Variants in CLDN5 observed in about 807,000 individuals in gnomAD.
The protein encoded by CLDN5 is claudin 5, also known as claudin-5.
CLDN5 carries 4 observed loss-of-function variants against 1.3 expected under a neutral mutation model. The ratio of observed to expected loss-of-function variants is 3.07; its 90% CI spans 1.51 to 7.03. CLDN5 has a LOEUF of 7.03. CLDN5 is among the 30% of genes most tolerant of loss of function. CLDN5 has a pLI of 0.00. For synonymous variants in CLDN5, 156 were observed against 152.3 expected, an observed-to-expected ratio of 1.02 and a Z score of -0.18; for missense variants, 225 against 303.5, an observed-to-expected ratio of 0.74 and a Z score of 1.92.
Position 19,523,537 on chromosome 22 carries a change from C to A in CLDN5, c.*62G>T. 6.7e-7 allele frequency: 1 copy of A among 1,503,164 alleles called. No homozygotes were observed. The allele number at this position is 1,503,164 out of a possible 1,614,324, so 93.1% of individuals were successfully genotyped here. ...AAGCCGCGGTCCATGCGGGGCTCCC[C>A]AGGCTTATCCAACGCCTCGCAGGCG... On this transcript the variant is annotated 3_prime_UTR_variant, in exon 1 of 1. Transcript: ENST00000618236.
At chr22:19,524,901 C>T, upstream of CLDN5, 1 of 1,061,424 alleles carries the variant, frequency 9.4e-7, no homozygotes, top group South Asian at 4.5e-5. Context: ...GCCCCGGGGT[C>T]CAAGCCCCAC....
At position 19,523,498 on chromosome 22, in the gene CLDN5, G is replaced by C. The variant is rs1934151369; in HGVS notation, c.*101C>G. ...GGACGTTCCGAGGAGCCTGCGCGCC[G>C]CGCTACCCGGCGGAAGCCGCGGTCC... On this transcript the variant is annotated 3_prime_UTR_variant, in exon 1 of 1. Coordinates refer to ENST00000618236, the MANE Select transcript of CLDN5 (RefSeq NM_001363066.2). The C allele has an allele frequency of 4.9e-6, 7 of 1,439,448 alleles. No homozygotes were observed. Among genetic ancestry groups the C allele is most frequent in the Non-Finnish European group, 6.4e-6 (7 of 1,098,462 alleles). The allele number at this position is 1,439,448 out of a possible 1,614,324, so 89.2% of individuals were successfully genotyped here.
Position 19,523,651 on chromosome 22 carries a change from G to T in CLDN5, c.605C>A (p.Ala202Glu). Reference sequence around the variant, plus strand: ...GCCGGTGGCCGTGGGCCGCCGCGGCGCTGAGTACTTCACGGGGAAGCTGAG... The same window carrying T: ...GCCGGTGGCCGTGGGCCGCCGCGGCTCTGAGTACTTCACGGGGAAGCTGAG... ...PDLSFPVKYS[A>E]PRRPTATGDY... The change falls in exon 1 of 1, where the codon GCG (alanine) becomes GAG (glutamate). Residue 202 changes from alanine (A) to glutamate (E), a missense_variant. Coordinates refer to ENST00000618236, the MANE Select transcript of CLDN5 (RefSeq NM_001363066.2). 1 of 1,605,596 alleles carries T rather than the reference G, an allele frequency of 6.2e-7. No homozygotes were observed. Among genetic ancestry groups the T allele is most frequent in the Non-Finnish European group, 8.5e-7 (1 of 1,178,810 alleles).
rs1360021028 is a variant in CLDN5, at chr22:19,523,748, C to A, written c.508G>T (p.Ala170Ser). The change falls in exon 1 of 1, where the codon GCC becomes TCC. Residue 170 changes from alanine (A) to serine (S), a missense_variant. Physicochemically the swap from Ala to Ser is moderately conservative, Grantham distance 99 (BLOSUM62 1). This residue lies in a region of CLDN5 where 165 missense variants were observed against 211.9 expected (regional missense o/e 0.78). Coordinates refer to ENST00000618236, the MANE Select transcript of CLDN5 (RefSeq NM_001363066.2). ...LGAALYIGWA[A>S]TALLMVGGCL... The stretch of plus-strand genomic sequence containing the variant: ...CCGCCTACCATGAGCAGCGCGGTGG[C>A]CGCCCAGCCGATGTACAGCGCTGCG... 6.2e-7 allele frequency: 1 copy of A among 1,604,184 alleles called. No homozygotes were observed. The highest frequency in any genetic ancestry group is 1.3e-5 in the African/African-American group (1 of 74,768).
chr22:19,525,095 CA>C, upstream of CLDN5: 1 of 1,000,866 alleles, frequency 1.0e-6, no homozygotes, highest in Non-Finnish European at 1.2e-6. Context: ...AGCGGTGGCA[CA>C]GGGGCTTTCC....
Position 19,523,511 on chromosome 22 carries a change from G to A in CLDN5, c.*88C>T, listed in dbSNP as rs1568943180. On this transcript the variant is annotated 3_prime_UTR_variant, in exon 1 of 1. Coordinates refer to ENST00000618236, the MANE Select transcript of CLDN5 (RefSeq NM_001363066.2). Reference sequence around the variant, plus strand: ...AGCCTGCGCGCCGCGCTACCCGGCGGAAGCCGCGGTCCATGCGGGGCTCCC... The same window carrying A: ...AGCCTGCGCGCCGCGCTACCCGGCGAAAGCCGCGGTCCATGCGGGGCTCCC... 2.1e-6 allele frequency: 3 copies of A among 1,459,566 alleles called. No homozygotes were observed. Among genetic ancestry groups the A allele is most frequent in the Non-Finnish European group, 1.8e-6 (2 of 1,112,900 alleles). 90.4% of individuals were successfully genotyped at this position (1,459,566 alleles called of 1,614,324 possible). A position where few individuals can be genotyped will look rare whatever the true frequency, so the allele number is the denominator to read the frequency against.
chr22:19,524,264 G>A lies in CLDN5; in HGVS notation c.-9C>T. 6.4e-7 allele frequency: 1 copy of A among 1,561,892 alleles called. No individual in the cohort carries two copies. Among genetic ancestry groups the A allele is most frequent in the East Asian group, 2.4e-5 (1 of 41,592 alleles). On this transcript the variant is annotated 5_prime_UTR_variant, in exon 1 of 1. Coordinates refer to ENST00000618236, the MANE Select transcript of CLDN5 (RefSeq NM_001363066.2). ...AACGCTGCGGACCCCATGGCTAGAG[G>A]CGAGACGCGCACCCGAAGGCCCGCA...
rs774602204 is a variant in CLDN5 at position 19,523,598 on chromosome 22, C to G, written c.*1G>C. On this transcript the variant is annotated 3_prime_UTR_variant, in exon 1 of 1. Coordinates refer to ENST00000618236, the MANE Select transcript of CLDN5 (RefSeq NM_001363066.2). ...GAGGGGCCCGGCCGTGCCCAGCGCC[C>G]TCAGACGTAGTTCTTCTTGTCGTAG... 6 of 1,580,308 alleles carry G rather than the reference C, an allele frequency of 3.8e-6. No homozygotes were observed. The highest frequency in any genetic ancestry group is 1.3e-5 in the African/African-American group (1 of 74,222).
Position 19,524,335 on chromosome 22 carries a change from G to A in CLDN5, c.-80C>T. 6.7e-7 allele frequency: 1 copy of A among 1,490,042 alleles called. No individual in the cohort carries two copies. Among genetic ancestry groups the A allele is most frequent in the East Asian group, 2.5e-5 (1 of 39,816 alleles). The allele number at this position is 1,490,042 out of a possible 1,614,324, so 92.3% of individuals were successfully genotyped here. On this transcript the variant is annotated 5_prime_UTR_variant, in exon 1 of 1. Transcript: ENST00000618236. ...CGCGGCGCCCTGGGCGGGCCCTGGTGCCTTTGCGCCCGCGCTCCCGGCTCT... is the reference window on the plus strand; with the variant it reads ...CGCGGCGCCCTGGGCGGGCCCTGGTACCTTTGCGCCCGCGCTCCCGGCTCT...
rs201059401 is a variant in CLDN5, at chr22:19,523,997, C to T, written c.259G>A (p.Ala87Thr). 3.0e-4 allele frequency: 479 copies of T among 1,589,570 alleles called. 3 individuals carry two copies. In the African/African-American group the frequency reaches 6.0e-3, roughly 20 times the overall value. The change falls in exon 1 of 1, where the codon GCC (alanine) becomes ACC (threonine). Residue 87 changes from alanine (A) to threonine (T), a missense_variant. Physicochemically the swap from Ala to Thr is moderately conservative, Grantham distance 58 (BLOSUM62 0). Around this residue, in one of 3 missense-constraint regions of CLDN5, gnomAD observed 165 missense variants for 211.9 expected, o/e 0.78. Coordinates refer to ENST00000618236, the MANE Select transcript of CLDN5 (RefSeq NM_001363066.2). ...AGCGCAACGAACGCCAGCAGCACGG[C>T]GCTCACGGTGAGCGCCCGCGCCGCC... is the stretch of plus-strand genomic sequence containing the variant. Reference protein sequence around the residue: ...VQAARALTVSAVLLAFVALFV... With the variant: ...VQAARALTVSTVLLAFVALFV...
upstream of CLDN5, chr22:19,524,440 G>C: frequency 1.4e-6 from 2 of 1,442,146 alleles, no homozygotes; most frequent in Non-Finnish European, 1.8e-6. Context: ...CCTCTTTGAA[G>C]GTTCGGGGGC....
chr22:19,523,411 G>A lies in CLDN5; in HGVS notation c.*188C>T, dbSNP rs1934148405. The A allele has an allele frequency of 5.4e-6, 4 of 735,210 alleles. No homozygotes were observed. Among genetic ancestry groups the A allele is most frequent in the Admixed American group, 3.3e-5 (1 of 30,056 alleles). The allele number at this position is 735,210 out of a possible 1,614,324, so 45.5% of individuals were successfully genotyped here. On this transcript the variant is annotated 3_prime_UTR_variant, in exon 1 of 1. Coordinates refer to ENST00000618236, the MANE Select transcript of CLDN5 (RefSeq NM_001363066.2). ...AAGGGCAGGGCCGGGCTAGTGGCAG[G>A]AGAAGGTCAGCTGCGGGCGCAGGCA...
At position 19,523,347 on chromosome 22, in the gene CLDN5, A is replaced by T. The variant is rs190795861; in HGVS notation, c.*252T>A. ...TGACACCCGCTCTGCCTATGGAAAC[A>T]GCGCCGCGCACAGAAAAGGAAACTT... On this transcript the variant is annotated 3_prime_UTR_variant, in exon 1 of 1. Coordinates refer to ENST00000618236, the MANE Select transcript of CLDN5 (RefSeq NM_001363066.2). 8.9e-4 allele frequency: 460 copies of T among 517,000 alleles called. 7 individuals carry two copies. Among genetic ancestry groups the T allele is most frequent in the Admixed American group, 7.8e-3 (199 of 25,366 alleles). 32.0% of individuals were successfully genotyped at this position (517,000 alleles called of 1,614,324 possible). A position where few individuals can be genotyped will look rare whatever the true frequency, so the allele number is the denominator to read the frequency against.
In CLDN5 at chr22:19,523,121, T is replaced by C. The variant is rs1175204541; in HGVS notation, c.*478A>G. 1.3e-5 allele frequency: 2 copies of C among 159,434 alleles called. 1 individual carries two copies. The highest frequency in any genetic ancestry group is 2.7e-5 in the Non-Finnish European group (2 of 73,580). The allele number at this position is 159,434 out of a possible 1,614,324, so 9.9% of individuals were successfully genotyped here. On this transcript the variant is annotated 3_prime_UTR_variant, in exon 1 of 1. Transcript: ENST00000618236. ...CCACAAGCCTTGCCTGGGGAGATGC[T>C]GGAGTGAGACCGGGAGGTCCAGGCC...
In CLDN5 at chr22:19,524,011, G is replaced by A; in HGVS notation, c.245C>T (p.Ala82Val). The A allele has an allele frequency of 2.5e-6, 4 of 1,592,060 alleles. No homozygotes were observed. The highest frequency in any genetic ancestry group is 3.4e-6 in the Non-Finnish European group (4 of 1,175,416). Residue 82 changes from alanine to valine, a missense_variant, in exon 1 of 1, where the codon GCG becomes GTG. Ala to Val is a moderately conservative substitution (Grantham distance 64, BLOSUM62 0). Around this residue, in one of 3 missense-constraint regions of CLDN5, gnomAD observed 165 missense variants for 211.9 expected, o/e 0.78. Coordinates refer to ENST00000618236, the MANE Select transcript of CLDN5 (RefSeq NM_001363066.2). Reference sequence around the variant, plus strand: ...CAGCAGCACGGCGCTCACGGTGAGCGCCCGCGCCGCCTGCACCTCGGTGCT... The same window carrying A: ...CAGCAGCACGGCGCTCACGGTGAGCACCCGCGCCGCCTGCACCTCGGTGCT... ...ALSTEVQAAR[A>V]LTVSAVLLAF... is the part of the protein sequence containing the mutation.
chr22:19,523,704 G>A lies in CLDN5; in HGVS notation c.552C>T (p.Gly184=), dbSNP rs779540206. ...CGGGACGGCCGGTGCAGACCCAGGC[G>A]CCGCAGCACAAGAGGCAGCCGCCTA... ...LMVGGCLLCC[G]AWVCTGRPDL... is the part of the protein sequence containing the mutation. The change falls in exon 1 of 1, where the codon GGC becomes GGT. Residue 184 remains glycine, a synonymous_variant. Transcript: ENST00000618236. The A allele has an allele frequency of 1.2e-6, 2 of 1,607,368 alleles. No homozygotes were observed. The highest frequency in any genetic ancestry group is 2.2e-5 in the South Asian group (2 of 90,818).
chr22:19,524,856 T>C, upstream of CLDN5: 1 of 1,130,202 alleles, frequency 8.8e-7, no homozygotes, highest in Non-Finnish European at 1.1e-6. Context: ...GTCACCGCCG[T>C]AGAGGCCCTC....
chr22:19,523,232 T>G lies in CLDN5; in HGVS notation c.*367A>C. 1 of 235,110 alleles carries G rather than the reference T, an allele frequency of 4.3e-6. No homozygotes were observed. Among genetic ancestry groups the G allele is most frequent in the Admixed American group, 5.6e-5 (1 of 17,730 alleles). 14.6% of individuals were successfully genotyped at this position (235,110 alleles called of 1,614,324 possible). On this transcript the variant is annotated 3_prime_UTR_variant, in exon 1 of 1. Coordinates refer to ENST00000618236, the MANE Select transcript of CLDN5 (RefSeq NM_001363066.2). Reference sequence around the variant, plus strand: ...TCCGGTGGGGGCCCTGGGCTCTGCATCCGCCCCTCCGAAGTCAGCAGGAGC... The same window carrying G: ...TCCGGTGGGGGCCCTGGGCTCTGCAGCCGCCCCTCCGAAGTCAGCAGGAGC...
At chr22:19,524,477 C>G, upstream of CLDN5, 2 of 1,433,552 alleles carry the variant, frequency 1.4e-6, no homozygotes, top group Non-Finnish European at 1.8e-6. Context: ...GCCCGGCCCC[C>G]CGGCCCGAAG....
Sources: allele counts gnomAD v4.1 joint callset, GRCh38; gene constraint gnomAD v4.1.1; regional missense constraint gnomAD v4.1.1; transcripts MANE v1.5; gene names NCBI Gene and HGNC (gene_info 2026-07-23, HGNC 2026-07-21).